Variants in FRMD4A observed in about 807,000 individuals in gnomAD.
FRMD4A encodes the protein FERM domain-containing protein 4A.
In FRMD4A, 29 loss-of-function variants were observed where a neutral mutation model predicts 129.1. The observed-to-expected ratio is 0.22, with a 90% CI of 0.17 to 0.31. The LOEUF (loss-of-function observed/expected upper bound fraction) is 0.31, where lower values mean the gene tolerates loss of function less well. FRMD4A is among the 10% of genes least tolerant of loss of function. FRMD4A has a pLI of 1.00. For synonymous variants in FRMD4A, 634 were observed against 571.6 expected (o/e 1.11, Z -1.56); for missense variants, 1,272 against 1,375.8 (o/e 0.92, Z 1.19).
intron 2 of FRMD4A, among the ~76,000 whole-genome samples, chr10:14,009,637 C>T (rs1481418039): frequency 1.3e-5 from 2 of 152,222 alleles, no homozygotes; most frequent in Non-Finnish European, 2.9e-5. Flanking sequence ...GCCACGGCGG[C>T]GGCAGCAGCG....
intron 3 of FRMD4A, among the ~76,000 whole-genome samples, chr10:13,846,297 A>G (rs187751381): frequency 6.6e-5 from 10 of 152,334 alleles, no homozygotes; most frequent in South Asian, 2.1e-4. Context: ...CGCACCAACT[A>G]ATACATTGAA....
At chr10:14,030,904 G>T (rs553849727) in intron 2 of FRMD4A, among the ~76,000 whole-genome samples, 2 of 152,110 alleles carry the variant, frequency 1.3e-5, no homozygotes, top group African/African-American at 4.8e-5. Flanking sequence ...CAGCCCCACC[G>T]CAGTCCCTGG....
intron 14 of FRMD4A, among the ~76,000 whole-genome samples, chr10:13,700,273 C>A (rs2086673776): frequency 9.0e-6 from 1 of 111,272 alleles, no homozygotes; most frequent in South Asian, 2.6e-4. Flanking sequence ...TCTCTTATCA[C>A]CTCCCCCTTG....
At chr10:13,707,807 T>C (rs946068913) in intron 12 of FRMD4A, 3 of 985,148 alleles carry the variant, frequency 3.0e-6, no homozygotes, top group African/African-American at 1.7e-5. Context: ...GGCCAGAGTC[T>C]CTCCCTCAAG....
intron 19 of FRMD4A, among the ~76,000 whole-genome samples, chr10:13,662,654 G>C (rs1308899764): frequency 6.6e-6 from 1 of 152,234 alleles, no homozygotes; most frequent in East Asian, 1.9e-4. Context: ...CTAACTGCCA[G>C]GTTTTAAGAG....
At chr10:14,029,472 T>A (rs982849279) in intron 2 of FRMD4A, among the ~76,000 whole-genome samples, 1 of 152,138 alleles carries the variant, frequency 6.6e-6, no homozygotes, top group Non-Finnish European at 1.5e-5. Context: ...TATCAACCAA[T>A]CTCTATTAAG....
At chr10:14,189,239 C>T (rs1186628249) in intron 2 of FRMD4A, among the ~76,000 whole-genome samples, 1 of 152,016 alleles carries the variant, frequency 6.6e-6, no homozygotes, top group Non-Finnish European at 1.5e-5. Flanking sequence ...TAGCAAAATG[C>T]CAGAAATGCA....
At chr10:14,279,375 T>G (rs1845445650) in intron 2 of FRMD4A, among the ~76,000 whole-genome samples, 1 of 151,948 alleles carries the variant, frequency 6.6e-6, no homozygotes. Flanking sequence ...TTTTTTGTAT[T>G]TTTAGTAGAG....
At chr10:14,162,932 T>C (rs1200025188) in intron 2 of FRMD4A, among the ~76,000 whole-genome samples, 2 of 152,170 alleles carry the variant, frequency 1.3e-5, no homozygotes, top group African/African-American at 4.8e-5. Flanking sequence ...TCCTGCTCCA[T>C]TCCTTCCACA....
At chr10:14,158,081 G>C (rs1454210860) in intron 2 of FRMD4A, among the ~76,000 whole-genome samples, 2 of 152,146 alleles carry the variant, frequency 1.3e-5, no homozygotes, top group Admixed American at 6.5e-5. Flanking sequence ...AGGCTGAAAA[G>C]ACCTGCAGGG....
intron 5 of FRMD4A, among the ~76,000 whole-genome samples, chr10:13,788,598 A>T (rs1485430304): frequency 6.6e-6 from 1 of 152,176 alleles, no homozygotes; most frequent in African/African-American, 2.4e-5. Context: ...ACTTAGCAGG[A>T]CTGAATCTTA....
intron 15 of FRMD4A, among the ~76,000 whole-genome samples, chr10:13,689,701 C>T (rs1282381225): frequency 1.3e-5 from 2 of 151,780 alleles, no homozygotes; most frequent in East Asian, 3.9e-4. Flanking sequence ...TATAAGCATG[C>T]ACCACCATGT....
chr10:14,252,096 C>T (rs973359314), intron 2 of FRMD4A, among the ~76,000 whole-genome samples: 3 of 152,176 alleles, frequency 2.0e-5, no homozygotes, highest in Admixed American at 6.5e-5. Flanking sequence ...AAACGAATGT[C>T]CAATGCCCTT....
intron 6 of FRMD4A, among the ~76,000 whole-genome samples, chr10:13,777,963 C>T (rs1031241733): frequency 2.0e-5 from 3 of 151,738 alleles, no homozygotes; most frequent in Non-Finnish European, 2.9e-5. Context: ...CCACCACGCC[C>T]GGCTAACTTT....
intron 17 of FRMD4A, chr10:13,667,917 A>G (rs10752316): frequency 0.82 from 124,110 of 152,154 alleles, 50,727 homozygotes; most frequent in East Asian, 0.85. Flanking sequence ...GGAAATTCAC[A>G]GACACGCTGA....
chr10:13,864,730 C>T (rs1193332483), intron 2 of FRMD4A, among the ~76,000 whole-genome samples: 1 of 151,970 alleles, frequency 6.6e-6, no homozygotes. Context: ...CACCCGCCAC[C>T]ATGCCAGGCT....
At chr10:13,673,521 G>T (rs1198459318) in intron 16 of FRMD4A, among the ~76,000 whole-genome samples, 1 of 152,146 alleles carries the variant, frequency 6.6e-6, no homozygotes, top group Non-Finnish European at 1.5e-5. Context: ...AGTTGCTCCT[G>T]CCCTGGAGAG....
chr10:13,919,803 T>G (rs111904786), intron 2 of FRMD4A, among the ~76,000 whole-genome samples: 7 of 152,164 alleles, frequency 4.6e-5, no homozygotes, highest in African/African-American at 1.7e-4. Context: ...CCAGGCGTGG[T>G]GGCATGTGCC....
At chr10:13,807,169 G>C (rs1343007) in intron 4 of FRMD4A, among the ~76,000 whole-genome samples, 119,387 of 152,106 alleles carry the variant, frequency 0.78, 48,277 homozygotes, top group Non-Finnish European at 0.89. Context: ...GTATTAAAGG[G>C]TGCCAAAATG....
Sources: gnomAD v4.1 joint callset for allele counts (sites outside exome capture counted in the v4.1 genomes callset) on GRCh38, gnomAD v4.1.1 for gene constraint, MANE v1.5 for transcripts, NCBI Gene and HGNC (gene_info 2026-07-23, HGNC 2026-07-21) for gene names.